Variants in SCP2 observed in about 807,000 individuals in gnomAD.
SCP2 encodes the protein sterol carrier protein 2.
In SCP2, 48 loss-of-function variants were observed where a neutral mutation model predicts 71.4. The ratio of observed to expected loss-of-function variants is 0.67; its 90% CI spans 0.53 to 0.86. The LOEUF (loss-of-function observed/expected upper bound fraction) is 0.86, where lower values mean the gene tolerates loss of function less well. SCP2 is among the 40% of genes least tolerant of loss of function. The pLI is 0.00. For synonymous variants in SCP2, 220 were observed against 218.1 expected, an observed-to-expected ratio of 1.01 and a Z score of -0.08; for missense variants, 560 against 655.6, an observed-to-expected ratio of 0.85 and a Z score of 1.59.
At chr1:53,023,404 A>G (rs1221249754) in intron 12 of SCP2, among the ~76,000 whole-genome samples, 1 of 152,202 alleles carries the variant, frequency 6.6e-6, no homozygotes, top group African/African-American at 2.4e-5. Flanking sequence ...ACTTTTGACC[A>G]AGACGATATA....
intron 11 of SCP2, among the ~76,000 whole-genome samples, chr1:53,009,999 T>C (rs1161418596): frequency 1.3e-5 from 2 of 152,212 alleles, no homozygotes; most frequent in African/African-American, 4.8e-5. Flanking sequence ...AAAGAAGATA[T>C]TTATGCAGCC....
chr1:52,933,422 A>C (rs1653350794), intron 1 of SCP2, among the ~76,000 whole-genome samples: 1 of 152,198 alleles, frequency 6.6e-6, no homozygotes, highest in Non-Finnish European at 1.5e-5. Context: ...TCTACTAAAA[A>C]AATAAAAATC....
intron 10 of SCP2, among the ~76,000 whole-genome samples, chr1:52,980,761 A>C (rs1407508394): frequency 1.3e-5 from 2 of 152,180 alleles, no homozygotes; most frequent in African/African-American, 4.8e-5. Context: ...GATAATTTGT[A>C]TTATGATTAT....
chr1:52,936,852 G>A (rs527922725), intron 1 of SCP2, among the ~76,000 whole-genome samples: 1 of 152,132 alleles, frequency 6.6e-6, no homozygotes, highest in South Asian at 2.1e-4. Context: ...GGAGTTTCTG[G>A]GGTGGAGGGC....
chr1:52,945,250 T>G (rs757285505), intron 2 of SCP2, among the ~76,000 whole-genome samples: 15 of 152,208 alleles, frequency 9.9e-5, no homozygotes, highest in Non-Finnish European at 1.9e-4. Flanking sequence ...GTGCAGTGGC[T>G]ATTCACAGGT....
chr1:53,002,730 A>G (rs1017354358), intron 11 of SCP2, among the ~76,000 whole-genome samples: 8 of 152,156 alleles, frequency 5.3e-5, no homozygotes, highest in Non-Finnish European at 8.8e-5. Context: ...TTATTATTCT[A>G]TCCTGTGATT....
At chr1:52,953,927 A>T (rs1453626347) in intron 4 of SCP2, among the ~76,000 whole-genome samples, 2 of 150,854 alleles carry the variant, frequency 1.3e-5, no homozygotes, top group African/African-American at 4.9e-5. Flanking sequence ...GGCTTCAGTG[A>T]GCCATGATTG....
At chr1:52,998,230 A>G (rs1660065272) in intron 11 of SCP2, among the ~76,000 whole-genome samples, 1 of 152,188 alleles carries the variant, frequency 6.6e-6, no homozygotes, top group Admixed American at 6.5e-5. Flanking sequence ...ATTTGGAGAC[A>G]TATATTTTTA....
chr1:52,946,231 T>TC, intron 2 of SCP2, among the ~76,000 whole-genome samples: 1 of 151,480 alleles, frequency 6.6e-6, no homozygotes, highest in East Asian at 1.9e-4. Flanking sequence ...GCCTGGCCTC[T>TC]TTTTTTTGTT....
rs946326477 is a variant in SCP2 at position 52,995,958 on chromosome 1, C to T, written c.1081+7822C>T. 6 of 1,450,480 alleles carry T rather than the reference C, an allele frequency of 4.1e-6. No individual in the cohort carries two copies. The African/African-American group carries it at 8.6e-5, about 21-fold the overall frequency. The allele number at this position is 1,450,480 out of a possible 1,614,324, so 89.9% of individuals were successfully genotyped here. ...CATGAACGACCTCGTCTCTGAGTAT[C>T]AGCAGTACCAGGATGCCACCACAGA... On this transcript the variant is annotated intron_variant, in intron 11 of 15. Coordinates refer to ENST00000371514, the MANE Select transcript of SCP2 (RefSeq NM_002979.5).
chr1:53,012,477 T>C lies in SCP2; in HGVS notation c.1082-2413T>C, dbSNP rs146507371. 8.5e-4 allele frequency among the ~76,000 whole-genome samples: 130 copies of C among 152,362 alleles called. 1 individual carries two copies. Among genetic ancestry groups the C allele is most frequent in the South Asian group, 7.0e-3 (34 of 4,830 alleles). On this transcript the variant is annotated intron_variant, in intron 11 of 15. Transcript: ENST00000371514. ...CTCTAATTAATCTGACTTTTACAAG[T>C]TGATTTTTCAGGAAACCTTCAGAGG... is the stretch of plus-strand genomic sequence containing the variant.
At chr1:52,969,478 C>T (rs1657262476) in intron 6 of SCP2, among the ~76,000 whole-genome samples, 1 of 151,906 alleles carries the variant, frequency 6.6e-6, no homozygotes, top group South Asian at 2.1e-4. Flanking sequence ...CTCTGCATTC[C>T]AGCCTGGTTG....
intron 12 of SCP2, among the ~76,000 whole-genome samples, chr1:53,019,558 A>G (rs558204485): frequency 6.6e-6 from 1 of 152,288 alleles, no homozygotes; most frequent in African/African-American, 2.4e-5. Flanking sequence ...TCCATGCCTC[A>G]GCCCTAGGAT....
rs144066222 is a variant in SCP2 at position 52,980,618 on chromosome 1, G to T, written c.973+75G>T. 1.2e-5 allele frequency: 16 copies of T among 1,377,804 alleles called. No individual in the cohort carries two copies. The East Asian group carries it at 1.8e-4, about 16-fold the overall frequency. 85.3% of individuals were successfully genotyped at this position (1,377,804 alleles called of 1,614,324 possible). ...ACTTCACTTTGACCGTTAGATAAAA[G>T]AATTCACTATTCACTTTTCCCTTAA... On this transcript the variant is annotated intron_variant, in intron 10 of 15. Coordinates refer to ENST00000371514, the MANE Select transcript of SCP2 (RefSeq NM_002979.5).
chr1:53,024,040 C>T (rs542298020), intron 12 of SCP2, among the ~76,000 whole-genome samples: 2 of 152,264 alleles, frequency 1.3e-5, no homozygotes, highest in Non-Finnish European at 2.9e-5. Context: ...GATTTTTCTC[C>T]TTCCATCTCC....
At chr1:53,013,882 C>CA (rs1661145298) in intron 11 of SCP2, among the ~76,000 whole-genome samples, 1 of 63,056 alleles carries the variant, frequency 1.6e-5, no homozygotes, top group East Asian at 6.4e-4. Flanking sequence ...ATAGAACATT[C>CA]TTTTTTTTTT....
intron 10 of SCP2, among the ~76,000 whole-genome samples, chr1:52,980,963 TC>T (rs1557583175): frequency 6.6e-6 from 1 of 152,176 alleles, no homozygotes. Context: ...ACGGAGACTC[TC>T]TCTGTAGCCC....
At chr1:53,015,502 T>C (rs1557610080) in intron 12 of SCP2, among the ~76,000 whole-genome samples, 1 of 152,210 alleles carries the variant, frequency 6.6e-6, no homozygotes, top group Non-Finnish European at 1.5e-5. Context: ...CTGCCCATGC[T>C]CCTCAATTTG....
intron 11 of SCP2, among the ~76,000 whole-genome samples, chr1:52,988,688 C>CTTT (rs71744669): frequency 2.2e-5 from 3 of 133,422 alleles, no homozygotes; most frequent in African/African-American, 8.9e-5. Context: ...TCTTTCTTTT[C>CTTT]TTTTTTTTTT....
Sources: gnomAD v4.1 joint callset for allele counts (sites outside exome capture counted in the v4.1 genomes callset) on GRCh38, gnomAD v4.1.1 for gene constraint, MANE v1.5 for transcripts, NCBI Gene and HGNC (gene_info 2026-07-23, HGNC 2026-07-21) for gene names.